Variants in TEDC1 observed in about 807,000 individuals in gnomAD.
The protein encoded by TEDC1 is tubulin epsilon and delta complex 1, also known as tubulin epsilon and delta complex protein 1.
A neutral mutation model predicts 59.9 loss-of-function variants in TEDC1; 54 were observed. The observed-to-expected ratio is 0.90, with a 90% CI of 0.72 to 1.13. The LOEUF is 1.13. Ranked by LOEUF, TEDC1 falls within the 50% of genes most tolerant of loss-of-function variation. TEDC1 has a pLI of 0.00. For synonymous variants in TEDC1, 353 were observed against 298.1 expected (o/e 1.18, Z -1.90); for missense variants, 734 against 683.4 (o/e 1.07, Z -0.83).
At chr14:105,496,943 TC>T in intron 6 of TEDC1, 1 of 244,434 alleles carries the variant, frequency 4.1e-6, no homozygotes, top group Non-Finnish European at 7.9e-6. Flanking sequence ...CCGCCTGCAG[TC>T]CCCGGATACA....
upstream of TEDC1, chr14:105,490,163 G>C (rs587624083): frequency 6.6e-5 from 10 of 151,284 alleles, no homozygotes; most frequent in South Asian, 4.1e-4. Flanking sequence ...GGCTTGCTGG[G>C]GGGGGGGCCC....
intron 3 of TEDC1, 35 bp from the exon 4 acceptor site, chr14:105,492,544 G>T: frequency 6.5e-7 from 1 of 1,527,790 alleles, no homozygotes; most frequent in South Asian, 1.2e-5. Flanking sequence ...GGCAGGGTGG[G>T]GTGGGAGCAG....
intron 6 of TEDC1, 66 bp downstream of exon 6, chr14:105,496,152 C>CCCCCCCCGGGGGGG: frequency 2.5e-5 from 4 of 157,700 alleles, no homozygotes; most frequent in East Asian, 3.1e-4. Flanking sequence ...GAGGGGGTGG[C>CCCCCCCCGGGGGGG]GAGGGGGTGT....
chr14:105,497,617 C>A (rs782340582), intron 7 of TEDC1, 174 bp downstream of exon 7: 1 of 1,093,184 alleles, frequency 9.1e-7, no homozygotes, highest in Non-Finnish European at 1.3e-6. Flanking sequence ...CTCACTGCTG[C>A]CCCCGCCCTC....
intron 5 of TEDC1, 183 bp downstream of exon 5, chr14:105,494,116 C>G (rs1288735201): frequency 3.3e-6 from 2 of 612,024 alleles, no homozygotes; most frequent in Non-Finnish European, 5.8e-6. Flanking sequence ...TGGGCCTCTC[C>G]TAGCCTCATG....
chr14:105,492,827 C>T (rs768753144), intron 4 of TEDC1, 93 bp downstream of exon 4: 1 of 1,462,574 alleles, frequency 6.8e-7, no homozygotes, highest in South Asian at 1.3e-5. Context: ...TGAGGCCTGG[C>T]ACAGGCTTTT....
chr14:105,492,526 T>C, intron 3 of TEDC1, 53 bp from the exon 4 acceptor site: 1 of 1,517,856 alleles, frequency 6.6e-7, no homozygotes, highest in Non-Finnish European at 8.8e-7. Flanking sequence ...TCCTGGCCTT[T>C]TCTGGGGGGC....
Position 105,498,765 on chromosome 14 carries a change from G to T in TEDC1, c.1307G>T (p.Arg436Leu), listed in dbSNP as rs34137879. 1 of 1,565,658 alleles carries T rather than the reference G, an allele frequency of 6.4e-7. No homozygotes were observed. The highest frequency in any genetic ancestry group is 1.4e-5 in the African/African-American group (1 of 74,002). ...QPHGPHRLVR[R>L]EDGAAGDRDL... ...CATGGGCCACACCGGCTGGTGAGAC[G>T]AGAGGATGGGGCAGCAGGGGACCGG... Residue 436 changes from arginine (R) to leucine (L), a missense_variant, in exon 9 of 9, where the codon CGA becomes CTA. Physicochemically the swap from Arg to Leu is moderately radical, Grantham distance 102. Coordinates refer to ENST00000392523, the MANE Select transcript of TEDC1 (RefSeq NM_001367178.1).
chr14:105,497,214 G>T, intron 6 of TEDC1, 143 bp from the exon 7 acceptor site: 1 of 807,208 alleles, frequency 1.2e-6, no homozygotes. Flanking sequence ...CAGAGAACCT[G>T]GGCGCAGGCA....
In TEDC1 at chr14:105,493,893, C is replaced by G. The variant is rs782470937; in HGVS notation, c.644C>G (p.Thr215Ser). The change falls in exon 5 of 9, where the codon ACT becomes AGT. Residue 215 changes from threonine (T) to serine (S), a missense_variant. By Grantham distance (58) the Thr-to-Ser change is moderately conservative. Transcript: ENST00000392523. The stretch of plus-strand genomic sequence containing the variant: ...CAGAGCCTTAGCCATCTGTCTGTCA[C>G]TGAAGCAGAGATGCTCAGGGACCCA... ...SDQSLSHLSV[T>S]EAEMLRDPEG... 9 of 1,594,684 alleles carry G rather than the reference C, an allele frequency of 5.6e-6. No homozygotes were observed. The East Asian group carries it at 2.0e-4, about 36-fold the overall frequency.
At chr14:105,491,944 C>T (rs1487992381) in intron 2 of TEDC1, among the ~76,000 whole-genome samples, 163 bp from the exon 3 acceptor site, 1 of 152,270 alleles carries the variant, frequency 6.6e-6, no homozygotes, top group Non-Finnish European at 1.5e-5. Context: ...CTGTTGGCCC[C>T]TGGTCTCCTC....
In TEDC1 at chr14:105,493,928, CA is replaced by C. The variant is rs2084278817; in HGVS notation, c.680del (p.Gln227ArgfsTer135). ...GATGCTCAGGGACCCAGAGGGAGGC[CA>C]GCAGGTGAGGGCGGGCAAGCTGCTG... ...AEMLRDPEGG[Q>X]QVSGAGAAQN... is the part of the protein sequence containing the mutation. On this transcript the variant is annotated frameshift_variant, in exon 5 of 9. Transcript: ENST00000392523. LOFTEE classifies it high-confidence loss of function. 1 of 1,487,082 alleles carries C rather than the reference CA, an allele frequency of 6.7e-7. No homozygotes were observed. The highest frequency in any genetic ancestry group is 2.9e-5 in the East Asian group (1 of 34,730). The allele number at this position is 1,487,082 out of a possible 1,614,324, so 92.1% of individuals were successfully genotyped here.
Position 105,492,563 on chromosome 14 carries a change from C to T in TEDC1, c.430-16C>T, listed in dbSNP as rs1462738098. On this transcript the variant is annotated splice_polypyrimidine_tract_variant and intron_variant, in intron 3 of 8. Coordinates refer to ENST00000392523, the MANE Select transcript of TEDC1 (RefSeq NM_001367178.1). The stretch of plus-strand genomic sequence containing the variant: ...GGGTGGGGTGGGAGCAGGGCCTGAC[C>T]CTTGCCCCTCTCCAGTGTGAGGCCC... The T allele has an allele frequency of 3.3e-6, 5 of 1,535,858 alleles. No homozygotes were observed. Among genetic ancestry groups the T allele is most frequent in the African/African-American group, 2.7e-5 (2 of 73,024 alleles).
At chr14:105,493,404 C>T (rs1326158247) in intron 4 of TEDC1, among the ~76,000 whole-genome samples, 1 of 152,170 alleles carries the variant, frequency 6.6e-6, no homozygotes, top group African/African-American at 2.4e-5. Context: ...CTGTGACCCT[C>T]TGTGCCACCT....
intron 6 of TEDC1, chr14:105,497,054 G>T: frequency 2.0e-6 from 1 of 490,686 alleles, no homozygotes; most frequent in South Asian, 2.5e-5. Flanking sequence ...TGGTGTGGGG[G>T]ACAGCGGATG....
chr14:105,496,934 C>T (rs1471083456), intron 6 of TEDC1: 11 of 235,926 alleles, frequency 4.7e-5, no homozygotes, highest in Non-Finnish European at 5.7e-5. Flanking sequence ...CCTCCCCGTC[C>T]GCCTGCAGTC....
chr14:105,498,798 G>T lies in TEDC1; in HGVS notation c.1340G>T (p.Arg447Leu), dbSNP rs201620460. 6.3e-7 allele frequency: 1 copy of T among 1,589,138 alleles called. No individual in the cohort carries two copies. Among genetic ancestry groups the T allele is most frequent in the Non-Finnish European group, 8.6e-7 (1 of 1,169,184 alleles). Reference protein sequence around the residue: ...EDGAAGDRDLRAAVVIRTLRS... With the variant: ...EDGAAGDRDLLAAVVIRTLRS... Reference sequence around the variant, plus strand: ...GGGGCAGCAGGGGACCGGGACCTGCGGGCAGCTGTGGTGATCAGGACGCTG... The same window carrying T: ...GGGGCAGCAGGGGACCGGGACCTGCTGGCAGCTGTGGTGATCAGGACGCTG... Residue 447 changes from arginine (R) to leucine (L), a missense_variant, in exon 9 of 9, where the codon CGG becomes CTG. Transcript: ENST00000392523.
In TEDC1 at chr14:105,493,892, A is replaced by G. The variant is rs1555439990; in HGVS notation, c.643A>G (p.Thr215Ala). 1 of 1,595,564 alleles carries G rather than the reference A, an allele frequency of 6.3e-7. No homozygotes were observed. Among genetic ancestry groups the G allele is most frequent in the Non-Finnish European group, 8.5e-7 (1 of 1,174,918 alleles). Residue 215 changes from threonine (T) to alanine (A), a missense_variant, in exon 5 of 9, where the codon ACT (threonine) becomes GCT (alanine). Physicochemically the swap from Thr to Ala is moderately conservative, Grantham distance 58. Coordinates refer to ENST00000392523, the MANE Select transcript of TEDC1 (RefSeq NM_001367178.1). ...SDQSLSHLSV[T>A]EAEMLRDPEG... ...CCAGAGCCTTAGCCATCTGTCTGTCACTGAAGCAGAGATGCTCAGGGACCC... is the reference window on the plus strand; with the variant it reads ...CCAGAGCCTTAGCCATCTGTCTGTCGCTGAAGCAGAGATGCTCAGGGACCC...
Position 105,493,856 on chromosome 14 carries a change from T to G in TEDC1, c.607T>G (p.Cys203Gly). 1.2e-6 allele frequency: 2 copies of G among 1,605,754 alleles called. No homozygotes were observed. The highest frequency in any genetic ancestry group is 1.7e-6 in the Non-Finnish European group (2 of 1,178,726). Reference protein sequence around the residue: ...LSKIHLYTRGCHSDQSLSHLS... With the variant: ...LSKIHLYTRGGHSDQSLSHLS... ...TTAGATCCACCTGTACACACGCGGC[T>G]GCCACAGCGACCAGAGCCTTAGCCA... The change falls in exon 5 of 9, where the codon TGC (cysteine) becomes GGC (glycine). Residue 203 changes from cysteine to glycine, a missense_variant. Transcript: ENST00000392523.
Sources: allele counts gnomAD v4.1 joint callset (sites outside exome capture counted in the v4.1 genomes callset), GRCh38; gene constraint gnomAD v4.1.1; transcripts MANE v1.5; gene names NCBI Gene and HGNC (gene_info 2026-07-23, HGNC 2026-07-21).